SLC2A14: variants seen among roughly 807,000 people sequenced by gnomAD.
The protein encoded by SLC2A14 is solute carrier family 2 member 14.
A neutral mutation model predicts 43.0 loss-of-function variants in SLC2A14; 13 were observed. The ratio of observed to expected loss-of-function variants is 0.30; its 90% CI spans 0.20 to 0.48. The LOEUF (loss-of-function observed/expected upper bound fraction) is 0.48, where lower values mean the gene tolerates loss of function less well. SLC2A14 is among the 20% of genes least tolerant of loss of function. The pLI, the probability that SLC2A14 is intolerant of heterozygous loss-of-function variation, is 0.99. For missense variants in SLC2A14, 428 were observed against 620.4 expected (o/e 0.69, Z 3.29); for synonymous variants, 190 against 233.8 (o/e 0.81, Z 1.71).
intron 2 of SLC2A14, among the ~76,000 whole-genome samples, chr12:7,847,864 G>T (rs11056095): frequency 0.86 from 130,131 of 152,036 alleles, 55,796 homozygotes; most frequent in Middle Eastern, 0.97. Flanking sequence ...AGAATTGAGA[G>T]AGTCAAAAGA....
rs772442154 is a variant in SLC2A14, at chr12:7,881,293, G to A, written c.132+9703C>T. Reference sequence around the variant, plus strand: ...GAGGTGTGGAGGGAGAGGCGCGGGCGGGAACCCGGCTGCGCGCGGTGCTTG... The same window carrying A: ...GAGGTGTGGAGGGAGAGGCGCGGGCAGGAACCCGGCTGCGCGCGGTGCTTG... On this transcript the variant is annotated intron_variant, in intron 1 of 9. Coordinates refer to the SLC2A14 transcript ENST00000539924. Among the ~76,000 whole-genome samples, 339 of 152,138 alleles carry A rather than the reference G, an allele frequency of 2.2e-3. 1 individual carries two copies. Among genetic ancestry groups the A allele is most frequent in the African/African-American group, 7.9e-3 (330 of 41,526 alleles).
chr12:7,845,481 T>C (rs1293654751), intron 2 of SLC2A14, among the ~76,000 whole-genome samples: 1 of 152,046 alleles, frequency 6.6e-6, no homozygotes, highest in Non-Finnish European at 1.5e-5. Flanking sequence ...AGGATCCTGT[T>C]AGAAATGCAA....
At chr12:7,822,164 T>C (rs1863973637) in intron 7 of SLC2A14, among the ~76,000 whole-genome samples, 1 of 151,824 alleles carries the variant, frequency 6.6e-6, no homozygotes, top group Non-Finnish European at 1.5e-5. Context: ...TTTCGCCATG[T>C]TGGCCAGGTT....
chr12:7,875,204 T>TAAATA (rs1945440880), upstream of SLC2A14, among the ~76,000 whole-genome samples: 3 of 131,244 alleles, frequency 2.3e-5, no homozygotes, highest in African/African-American at 8.5e-5. Context: ...TTAAAATATA[T>TAAATA]TTATATTTAT....
chr12:7,878,987 A>C (rs1178179407), intron 1 of SLC2A14, among the ~76,000 whole-genome samples: 1 of 91,170 alleles, frequency 1.1e-5, no homozygotes, highest in African/African-American at 4.2e-5. Flanking sequence ...AAAAAAAAAA[A>C]AAAAAAAAAA....
At position 7,827,941 on chromosome 12, in the gene SLC2A14, C is replaced by A. The variant is rs148357186; in HGVS notation, c.677-259G>T. 2.6e-3 allele frequency among the ~76,000 whole-genome samples: 391 copies of A among 152,248 alleles called. 1 individual carries two copies. The highest frequency in any genetic ancestry group is 8.4e-3 in the African/African-American group (348 of 41,544). On this transcript the variant is annotated intron_variant, in intron 6 of 10. Transcript: ENST00000431042. The stretch of plus-strand genomic sequence containing the variant: ...GGATCACCTGAGGTGAGTTTGAGAC[C>A]AGCCTGGCCAACATGGTGAAAGCCC...
intron 7 of SLC2A14, among the ~76,000 whole-genome samples, chr12:7,826,403 G>T (rs1240674413): frequency 2.6e-5 from 4 of 152,078 alleles, no homozygotes; most frequent in Non-Finnish European, 5.9e-5. Flanking sequence ...AAGAAGCACT[G>T]CCACTTCAAA....
In SLC2A14 at chr12:7,850,465, G is replaced by A. The variant is rs775684204; in HGVS notation, c.19-17651C>T. On this transcript the variant is annotated intron_variant, in intron 2 of 10. Coordinates refer to ENST00000431042, the MANE Select transcript of SLC2A14 (RefSeq NM_001286234.2). ...GCTTGGAGTGCAGTGGTGTGATCTC[G>A]GCTCACTGCAACATCCGTCTCCTGG... Among the ~76,000 whole-genome samples, 63 of 151,562 alleles carry A rather than the reference G, an allele frequency of 4.2e-4. No homozygotes were observed. The South Asian group carries it at 7.3e-3, about 18-fold the overall frequency.
upstream of SLC2A14, among the ~76,000 whole-genome samples, chr12:7,874,677 A>AAT (rs1555148595): frequency 6.2e-5 from 9 of 145,790 alleles, no homozygotes; most frequent in Non-Finnish European, 1.0e-4. Flanking sequence ...ATCTCAAAAA[A>AAT]ATATATAAAT....
At chr12:7,882,363 G>A (rs945338497) in intron 1 of SLC2A14, among the ~76,000 whole-genome samples, 4 of 151,974 alleles carry the variant, frequency 2.6e-5, no homozygotes, top group South Asian at 2.1e-4. Context: ...CTGAACATCA[G>A]AAGGAACAAA....
chr12:7,889,233 C>CTT (rs142327842), intron 1 of SLC2A14, among the ~76,000 whole-genome samples: 62,903 of 132,282 alleles, frequency 0.48, 15,602 homozygotes, highest in Middle Eastern at 0.64. Context: ...GCTGGTTGCC[C>CTT]TTTTTTTTTT....
chr12:7,880,667 A>T (rs1235498774), intron 1 of SLC2A14, among the ~76,000 whole-genome samples: 1 of 145,772 alleles, frequency 6.9e-6, no homozygotes, highest in Non-Finnish European at 1.5e-5. Context: ...TCTCTACTAA[A>T]AATACAAACA....
intron 1 of SLC2A14, among the ~76,000 whole-genome samples, chr12:7,890,213 C>G (rs1039625755): frequency 6.6e-6 from 1 of 152,072 alleles, no homozygotes; most frequent in African/African-American, 2.4e-5. Context: ...TCACACAGCT[C>G]TGATAGTAAT....
At chr12:7,828,567 G>T in intron 6 of SLC2A14, 137 bp downstream of exon 6, 1 of 957,400 alleles carries the variant, frequency 1.0e-6, no homozygotes, top group Non-Finnish European at 1.5e-6. Context: ...AAAAAACAAA[G>T]TAGAGTAATC....
intron 2 of SLC2A14, among the ~76,000 whole-genome samples, chr12:7,840,370 T>C (rs1865851158): frequency 6.6e-6 from 1 of 151,636 alleles, no homozygotes; most frequent in Non-Finnish European, 1.5e-5. Flanking sequence ...TACTCAGTTT[T>C]GTTTTTGTTT....
intron 7 of SLC2A14, among the ~76,000 whole-genome samples, chr12:7,823,448 C>T (rs4883447): frequency 0.61 from 92,297 of 151,498 alleles, 28,338 homozygotes; most frequent in African/African-American, 0.69. Flanking sequence ...ACTGGCCATG[C>T]GCAGTGGCTC....
At chr12:7,865,029 G>A (rs1944832561) in intron 2 of SLC2A14, among the ~76,000 whole-genome samples, 1 of 152,038 alleles carries the variant, frequency 6.6e-6, no homozygotes, top group South Asian at 2.1e-4. Context: ...AAGGTTTGTG[G>A]CAATCCTATG....
At chr12:7,863,362 C>T (rs777498244) in intron 2 of SLC2A14, 3 of 453,334 alleles carry the variant, frequency 6.6e-6, no homozygotes, top group Non-Finnish European at 1.3e-5. Context: ...AGGGCTGTAA[C>T]ACTCACTGCG....
At chr12:7,876,586 C>T (rs538450505), upstream of SLC2A14, among the ~76,000 whole-genome samples, 8 of 152,276 alleles carry the variant, frequency 5.3e-5, no homozygotes, top group South Asian at 1.7e-3. Flanking sequence ...AGCAATTCCA[C>T]TTCTGGGTAT....
Sources: gnomAD v4.1 joint callset for allele counts (sites outside exome capture counted in the v4.1 genomes callset) on GRCh38, gnomAD v4.1.1 for gene constraint, MANE v1.5 for transcripts, NCBI Gene and HGNC (gene_info 2026-07-23, HGNC 2026-07-21) for gene names.